The following CASK variants were observed in gnomAD, a reference collection of about 807,000 sequenced individuals.
CASK encodes the protein peripheral plasma membrane protein CASK.
Under a neutral mutation model 82.9 loss-of-function variants are expected in CASK, and 4 were observed. The ratio of observed to expected loss-of-function variants is 0.05; its 90% CI spans 0.02 to 0.11. The LOEUF is 0.11. Among genes scored for constraint, CASK ranks in the 10% least tolerant of loss-of-function variants. CASK has a pLI of 1.00. For synonymous variants in CASK, 259 were observed against 253.5 expected, an observed-to-expected ratio of 1.02 and a Z score of -0.20; for missense variants, 358 against 720.9, an observed-to-expected ratio of 0.50 and a Z score of 5.76.
At chrX:41,613,901 A>C (rs1007916387) in intron 11 of CASK, among the ~76,000 whole-genome samples, 4 of 112,116 alleles carry the variant, frequency 3.6e-5, no homozygotes, top group Non-Finnish European at 7.5e-5. Context: ...AGCTCTATTT[A>C]ATTATGTTAA....
intron 7 of CASK, among the ~76,000 whole-genome samples, chrX:41,662,334 C>T (rs777997834): frequency 9.0e-6 from 1 of 110,847 alleles, no homozygotes; most frequent in Non-Finnish European, 1.9e-5. Context: ...GCATATACTC[C>T]AGTGAAACAG....
At chrX:41,796,804 A>G (rs979553474) in intron 2 of CASK, among the ~76,000 whole-genome samples, 2 of 111,709 alleles carry the variant, frequency 1.8e-5, no homozygotes, top group African/African-American at 6.5e-5. Flanking sequence ...TGTCAAAACT[A>G]TCTTTCCCTT....
chrX:41,524,057 A>G, intron 25 of CASK, 23 bp from the exon 26 acceptor site: 1 of 1,047,337 alleles, frequency 9.5e-7, no homozygotes, highest in East Asian at 3.1e-5. Context: ...AAAAAAAAAA[A>G]ATCCCGACTT....
intron 3 of CASK, among the ~76,000 whole-genome samples, chrX:41,774,179 T>C (rs1031896390): frequency 1.8e-5 from 2 of 110,875 alleles, no homozygotes; most frequent in Admixed American, 1.9e-4. Flanking sequence ...CATGATTGTA[T>C]ATCTAGAAAA....
chrX:41,607,678 C>T (rs749795923), intron 12 of CASK, among the ~76,000 whole-genome samples: 2 of 112,183 alleles, frequency 1.8e-5, no homozygotes, highest in East Asian at 5.6e-4. Context: ...CAGGTGAGCA[C>T]GTGACTAGCA....
intron 5 of CASK, chrX:41,695,492 CT>C (rs1443408746): frequency 1.5e-5 from 7 of 460,153 alleles, no homozygotes; most frequent in Non-Finnish European, 2.3e-5. Context: ...ATTATTTACA[CT>C]TTTAGTTAAA....
At chrX:41,657,501 T>C (rs2066960231) in intron 8 of CASK, among the ~76,000 whole-genome samples, 1 of 112,042 alleles carries the variant, frequency 8.9e-6, no homozygotes, top group Admixed American at 9.4e-5. Context: ...GTCTTTTGAA[T>C]TATATATTCT....
At chrX:41,745,443 T>C (rs2068671216) in intron 4 of CASK, 81 bp downstream of exon 4, 1 of 638,114 alleles carries the variant, frequency 1.6e-6, no homozygotes. Flanking sequence ...ATGCTCTTTA[T>C]CAGTTTGTCA....
intron 8 of CASK, among the ~76,000 whole-genome samples, chrX:41,647,633 G>A (rs768247747): frequency 8.9e-6 from 1 of 111,854 alleles, no homozygotes; most frequent in Non-Finnish European, 1.9e-5. Flanking sequence ...AGATGTTGCA[G>A]GAAGTCAGAG....
At chrX:41,686,780 C>T (rs1004937137) in intron 5 of CASK, among the ~76,000 whole-genome samples, 2 of 111,813 alleles carry the variant, frequency 1.8e-5, no homozygotes, top group African/African-American at 6.5e-5. Context: ...TGAATTTAAC[C>T]AGGGTTGGGA....
At chrX:41,887,673 TA>T (rs2072074441) in intron 1 of CASK, among the ~76,000 whole-genome samples, 1 of 111,299 alleles carries the variant, frequency 9.0e-6, no homozygotes, top group African/African-American at 3.3e-5. Context: ...AACATTGAAT[TA>T]AAAGTTTAAC....
chrX:41,589,466 G>T, intron 13 of CASK, 49 bp downstream of exon 13: 1 of 879,349 alleles, frequency 1.1e-6, no homozygotes, highest in Non-Finnish European at 1.7e-6. Context: ...CTTCAATAAA[G>T]GTGGCAAATA....
chrX:41,737,680 C>G (rs1030996127), intron 5 of CASK, among the ~76,000 whole-genome samples: 7 of 112,358 alleles, frequency 6.2e-5, no homozygotes, highest in Non-Finnish European at 1.3e-4. Flanking sequence ...TATTGTCAAT[C>G]ATTGTTTATT....
chrX:41,902,644 AT>A (rs1241074075), intron 1 of CASK, among the ~76,000 whole-genome samples: 1 of 112,169 alleles, frequency 8.9e-6, no homozygotes, highest in East Asian at 2.8e-4. Flanking sequence ...GTGGGCCATG[AT>A]TTAGCCTACT....
intron 5 of CASK, among the ~76,000 whole-genome samples, chrX:41,706,467 A>G (rs1454139375): frequency 9.0e-6 from 1 of 111,676 alleles, no homozygotes; most frequent in Admixed American, 9.5e-5. Flanking sequence ...GAAGATGTCA[A>G]TGAACTTATC....
At chrX:41,726,279 A>G (rs1383815944) in intron 5 of CASK, among the ~76,000 whole-genome samples, 1 of 112,295 alleles carries the variant, frequency 8.9e-6, no homozygotes, top group East Asian at 2.8e-4. Context: ...ACATGTGTAA[A>G]CTTTTATTGA....
chrX:41,578,292 C>A (rs1447812405), intron 15 of CASK, 48 bp downstream of exon 15: 1 of 951,289 alleles, frequency 1.1e-6, no homozygotes, highest in Non-Finnish European at 1.5e-6. Context: ...TGATATAACT[C>A]ATGCTGGGAT....
intron 15 of CASK, among the ~76,000 whole-genome samples, chrX:41,575,475 T>C (rs755961528): frequency 2.6e-4 from 29 of 111,145 alleles, no homozygotes; most frequent in Non-Finnish European, 4.5e-4. Flanking sequence ...GCCTTTCCTC[T>C]ATTTTGTAAG....
intron 6 of CASK, among the ~76,000 whole-genome samples, chrX:41,671,174 G>A (rs1455891544): frequency 1.8e-5 from 2 of 112,287 alleles, no homozygotes; most frequent in Admixed American, 9.5e-5. Flanking sequence ...TCTGAACACT[G>A]TTTTAATCTT....
Sources: gnomAD v4.1 joint callset for allele counts (sites outside exome capture counted in the v4.1 genomes callset) on GRCh38, gnomAD v4.1.1 for gene constraint, MANE v1.5 for transcripts, NCBI Gene and HGNC (gene_info 2026-07-23, HGNC 2026-07-21) for gene names.